ANKMY1: variants seen among roughly 807,000 people sequenced by gnomAD.
The protein encoded by ANKMY1 is ankyrin repeat and MYND domain-containing protein 1.
Under a neutral mutation model 102.0 loss-of-function variants are expected in ANKMY1, and 98 were observed. The observed-to-expected ratio is 0.96, with a 90% CI of 0.82 to 1.14. The LOEUF (loss-of-function observed/expected upper bound fraction) is 1.14, where lower values mean the gene tolerates loss of function less well. Ranked by LOEUF, ANKMY1 falls within the 50% of genes most tolerant of loss-of-function variation. The pLI, the probability that ANKMY1 is intolerant of heterozygous loss-of-function variation, is 0.00. For missense variants in ANKMY1, 1,330 were observed against 1,347.6 expected (o/e 0.99, Z 0.20); for synonymous variants, 582 against 559.9 (o/e 1.04, Z -0.56).
At position 240,507,584 on chromosome 2, in the gene ANKMY1, C is replaced by A; in HGVS notation, c.2502G>T (p.Arg834Ser). The change falls in exon 13 of 18, where the codon AGG becomes AGT. Residue 834 changes from arginine (R) to serine (S), a missense_variant. Transcript: ENST00000401804. ...CCAGGGCCAGCTTGCTGTCCATGTTCCTCTGGTGCTCGTAGGTCAGGTCAC... is the reference window on the plus strand; with the variant it reads ...CCAGGGCCAGCTTGCTGTCCATGTTACTCTGGTGCTCGTAGGTCAGGTCAC... ...VACDLTYEHQ[R>S]NMDSKLALID... 1 of 1,610,438 alleles carries A rather than the reference C, an allele frequency of 6.2e-7. No individual in the cohort carries two copies. The highest frequency in any genetic ancestry group is 8.5e-7 in the Non-Finnish European group (1 of 1,178,384).
chr2:240,557,233 C>T lies in ANKMY1; in HGVS notation c.103G>A (p.Glu35Lys), dbSNP rs1160090841. The change falls in exon 2 of 18, where the codon GAG (glutamate) becomes AAG (lysine). Residue 35 changes from glutamate to lysine, a missense_variant. Glu to Lys is a moderately conservative substitution (Grantham distance 56). Transcript: ENST00000401804. ...EGKGGETPAA[E>K]EPGSLKNYAV... is the part of the protein sequence containing the mutation. ...TAGTTCTTCAGGGACCCCGGCTCCTCGGCAGCAGGGGTCTCGCCGCCCTTC... is the reference window on the plus strand; with the variant it reads ...TAGTTCTTCAGGGACCCCGGCTCCTTGGCAGCAGGGGTCTCGCCGCCCTTC... 6.3e-7 allele frequency: 1 copy of T among 1,592,026 alleles called. No individual in the cohort carries two copies. Among genetic ancestry groups the T allele is most frequent in the Non-Finnish European group, 8.6e-7 (1 of 1,168,488 alleles).
In ANKMY1 at chr2:240,486,972, G is replaced by T. The variant is rs977035743; in HGVS notation, c.2807-4711C>A. ...AAGTTTTGTGACATGTATATACTGT[G>T]TAGTGATCAAGTTAGGGTATTCGGG... On this transcript the variant is annotated intron_variant, in intron 15 of 17. Transcript: ENST00000401804. Among the ~76,000 whole-genome samples the T allele has an allele frequency of 2.6e-5, 4 of 152,168 alleles. No individual in the cohort carries two copies. The East Asian group carries it at 7.7e-4, about 29-fold the overall frequency.
the ANKMY1 span, among the ~76,000 whole-genome samples, chr2:240,472,903 T>C: frequency 6.6e-6 from 1 of 151,970 alleles, no homozygotes; most frequent in Non-Finnish European, 1.5e-5. Flanking sequence ...GGCAGGTAGG[T>C]TGCTTGAGGT....
downstream of ANKMY1, among the ~76,000 whole-genome samples, chr2:240,475,435 A>C (rs1378818852): frequency 6.6e-6 from 1 of 152,166 alleles, no homozygotes; most frequent in Non-Finnish European, 1.5e-5. Flanking sequence ...AATACTTAGC[A>C]ATAAATTTAA....
In ANKMY1 at chr2:240,511,929, T is replaced by C; in HGVS notation, c.2218A>G (p.Thr740Ala). ...CTGCCCCCCTCCTCCGGGAGGGCTG[T>C]GTCCGTGCTGTAGTAGGCTTGGGGA... is the stretch of plus-strand genomic sequence containing the variant. ...GPPQAYYSTD[T>A]ALPEEGGRTA... Residue 740 changes from threonine (T) to alanine (A), a missense_variant, in exon 11 of 18, where the codon ACA becomes GCA. Physicochemically the swap from Thr to Ala is moderately conservative, Grantham distance 58 (BLOSUM62 0). Transcript: ENST00000401804. The C allele has an allele frequency of 1.3e-6, 2 of 1,579,712 alleles. No individual in the cohort carries two copies. Among genetic ancestry groups the C allele is most frequent in the Non-Finnish European group, 1.7e-6 (2 of 1,169,320 alleles).
intron 13 of ANKMY1, among the ~76,000 whole-genome samples, chr2:240,507,252 G>A (rs890924570): frequency 3.9e-5 from 6 of 152,058 alleles, no homozygotes; most frequent in Non-Finnish European, 8.8e-5. Context: ...AGGAATGACA[G>A]CCAGGCAGAG....
intron 3 of ANKMY1, chr2:240,553,287 T>C (rs1357944604): frequency 9.0e-6 from 5 of 556,048 alleles, no homozygotes; most frequent in Non-Finnish European, 1.6e-5. Context: ...TCTCCTCAGG[T>C]GGGGGACTGT....
At chr2:240,509,061 G>A (rs2079608707) in intron 12 of ANKMY1, among the ~76,000 whole-genome samples, 1 of 152,010 alleles carries the variant, frequency 6.6e-6, no homozygotes, top group Non-Finnish European at 1.5e-5. Flanking sequence ...TGAGTGGAGG[G>A]TAGATGGATG....
At position 240,555,139 on chromosome 2, in the gene ANKMY1, C is replaced by T. The variant is rs868462747; in HGVS notation, c.147-84G>A. 4.0e-5 allele frequency: 57 copies of T among 1,411,146 alleles called. 1 individual carries two copies. The African/African-American group carries it at 6.2e-4, about 15-fold the overall frequency. 87.4% of individuals were successfully genotyped at this position (1,411,146 alleles called of 1,614,324 possible). ...TGCTGAGCACAACCCCCGAGCACAA[C>T]CCAGCATCTCATTTCATCCCACAGT... On this transcript the variant is annotated intron_variant, in intron 2 of 17. Coordinates refer to ENST00000401804, the MANE Select transcript of ANKMY1 (RefSeq NM_001282771.3).
chr2:240,538,653 T>C (rs1164460605), intron 4 of ANKMY1, among the ~76,000 whole-genome samples: 2 of 152,102 alleles, frequency 1.3e-5, no homozygotes, highest in East Asian at 3.9e-4. Context: ...CTGAGGAGTA[T>C]GGGCGTGCAG....
At chr2:240,550,453 T>C (rs1012191078) in intron 4 of ANKMY1, among the ~76,000 whole-genome samples, 14 of 151,904 alleles carry the variant, frequency 9.2e-5, no homozygotes, top group Admixed American at 3.9e-4. Context: ...GCATGGCACA[T>C]GTATACATAT....
intron 15 of ANKMY1, among the ~76,000 whole-genome samples, chr2:240,495,143 C>T (rs1452141941): frequency 1.3e-5 from 2 of 152,114 alleles, no homozygotes; most frequent in Non-Finnish European, 2.9e-5. Flanking sequence ...CTTGGTCTAG[C>T]GGTAACACCA....
chr2:240,539,018 GATC>G (rs1559358934), intron 4 of ANKMY1, among the ~76,000 whole-genome samples: 10 of 152,154 alleles, frequency 6.6e-5, no homozygotes, highest in African/African-American at 2.2e-4. Flanking sequence ...AAAATGGACC[GATC>G]AGCTCTCTGT....
intron 15 of ANKMY1, among the ~76,000 whole-genome samples, chr2:240,492,133 C>T (rs2076727338): frequency 6.6e-6 from 1 of 152,150 alleles, no homozygotes; most frequent in South Asian, 2.1e-4. Flanking sequence ...GCTAGTACTA[C>T]AGGTGCATGC....
chr2:240,480,560 A>G (rs772552780), intron 17 of ANKMY1, among the ~76,000 whole-genome samples: 1 of 152,176 alleles, frequency 6.6e-6, no homozygotes, highest in African/African-American at 2.4e-5. Flanking sequence ...TGTGGTCCAG[A>G]GGCACTGGTG....
At position 240,479,433 on chromosome 2, in the gene ANKMY1, T is replaced by A; in HGVS notation, c.*176A>T. ...CAGAGCACAGCACAGACTGTCAAAA[T>A]CACCCCGTGGGGCCAATTTATTGCG... On this transcript the variant is annotated 3_prime_UTR_variant, in exon 18 of 18. Transcript: ENST00000401804. 1 of 765,068 alleles carries A rather than the reference T, an allele frequency of 1.3e-6. No homozygotes were observed. Among genetic ancestry groups the A allele is most frequent in the Non-Finnish European group, 2.2e-6 (1 of 456,688 alleles). 47.4% of individuals were successfully genotyped at this position (765,068 alleles called of 1,614,324 possible).
chr2:240,473,874 T>C, the ANKMY1 span, among the ~76,000 whole-genome samples: 13 of 152,138 alleles, frequency 8.5e-5, no homozygotes, highest in African/African-American at 3.1e-4. Flanking sequence ...CTCAACATAA[T>C]AGAGGACATA....
chr2:240,542,096 T>G (rs183823608), intron 4 of ANKMY1, among the ~76,000 whole-genome samples: 2,905 of 151,288 alleles, frequency 0.019, 85 homozygotes, highest in African/African-American at 0.067. Context: ...TAATCCCAGC[T>G]ACTCAGGAGG....
chr2:240,539,991 T>G (rs1468172252), intron 4 of ANKMY1, among the ~76,000 whole-genome samples: 1 of 152,198 alleles, frequency 6.6e-6, no homozygotes, highest in Non-Finnish European at 1.5e-5. Flanking sequence ...AGACTCTCTA[T>G]AGCAATAAGA....
Sources: gnomAD v4.1 joint callset for allele counts (sites outside exome capture counted in the v4.1 genomes callset) on GRCh38, gnomAD v4.1.1 for gene constraint, MANE v1.5 for transcripts, NCBI Gene and HGNC (gene_info 2026-07-23, HGNC 2026-07-21) for gene names.